Variants in PCM1 observed in about 807,000 individuals in gnomAD.
PCM1 encodes pericentriolar material 1 protein.
PCM1 carries 157 observed loss-of-function variants against 241.9 expected under a neutral mutation model. That is an observed-to-expected ratio of 0.65 (90% CI 0.57 to 0.74). PCM1 has a LOEUF of 0.74. PCM1 is among the 30% of genes least tolerant of loss of function. The probability of loss-of-function intolerance (pLI) is 0.00; values close to 1 mark genes in which losing one functional copy is unlikely to be tolerated. For missense variants in PCM1, 3,478 were observed against 2,360.1 expected (o/e 1.47, Z -9.81); for synonymous variants, 1,085 against 784.9 (o/e 1.38, Z -6.39).
chr8:17,930,632 A>T (rs999740966), intron 2 of PCM1, among the ~76,000 whole-genome samples: 1 of 151,812 alleles, frequency 6.6e-6, no homozygotes. Flanking sequence ...TAATCCCAGC[A>T]CTTTGGGAGG....
rs1296726342 is a variant in PCM1 at position 17,964,742 on chromosome 8, C to G, written c.2829C>G (p.Ser943=). ...CTTCTAACAGTGTGAATCATAACTC[C>G]TACAATGGAAAGGAAACTAAAAATA... ...VCPSNSVNHN[S]YNGKETKNRW... Residue 943 remains serine, a synonymous_variant, in exon 18 of 39, where the codon TCC becomes TCG. Coordinates refer to ENST00000325083, the MANE Select transcript of PCM1 (RefSeq NM_006197.4). 1.2e-6 allele frequency: 2 copies of G among 1,613,534 alleles called. No homozygotes were observed. Among genetic ancestry groups the G allele is most frequent in the Non-Finnish European group, 1.7e-6 (2 of 1,179,522 alleles).
Position 17,953,031 on chromosome 8 carries a change from C to T in PCM1, c.1133C>T (p.Ser378Phe). The T allele has an allele frequency of 6.2e-7, 1 of 1,608,642 alleles. No homozygotes were observed. The highest frequency in any genetic ancestry group is 8.5e-7 in the Non-Finnish European group (1 of 1,177,310). Residue 378 changes from serine (S) to phenylalanine (F), a missense_variant, in exon 9 of 39, where the codon TCC (serine) becomes TTC (phenylalanine). Coordinates refer to ENST00000325083, the MANE Select transcript of PCM1 (RefSeq NM_006197.4). ...AGTCTTTCATTAACTAGGGAGGTTT[C>T]CCAGAGCAGGAAACCATCAGCTTCA... is the stretch of plus-strand genomic sequence containing the variant. ...AESLSLTREV[S>F]QSRKPSASER... is the part of the protein sequence containing the mutation.
At chr8:17,982,510 T>C (rs1172250504) in intron 24 of PCM1, 1 of 152,180 alleles carries the variant, frequency 6.6e-6, no homozygotes, top group Non-Finnish European at 1.5e-5. Context: ...AAAATTTTTT[T>C]TTGAGACCGA....
chr8:18,011,442 G>A (rs773692803), intron 33 of PCM1, 76 bp downstream of exon 33: 2 of 1,284,624 alleles, frequency 1.6e-6, no homozygotes, highest in Non-Finnish European at 2.1e-6. Context: ...TTGGTGGAGT[G>A]TAACAAGTAT....
intron 21 of PCM1, among the ~76,000 whole-genome samples, 182 bp downstream of exon 21, chr8:17,967,352 A>T (rs1438677975): frequency 6.7e-6 from 1 of 148,810 alleles, no homozygotes; most frequent in East Asian, 2.0e-4. Context: ...CTTCTTGTCC[A>T]GGCTGGAATG....
chr8:17,965,630 C>T (rs751008641), intron 18 of PCM1, among the ~76,000 whole-genome samples: 1 of 152,292 alleles, frequency 6.6e-6, no homozygotes, highest in East Asian at 1.9e-4. Context: ...AAAATTTCTT[C>T]ATGAATAACA....
intron 18 of PCM1, among the ~76,000 whole-genome samples, chr8:17,965,682 A>G (rs570613891): frequency 2.9e-4 from 44 of 152,380 alleles, no homozygotes; most frequent in African/African-American, 9.4e-4. Context: ...ATGAAATACT[A>G]TGTGGTTGAA....
At chr8:18,004,579 C>G (rs1358135493) in intron 29 of PCM1, among the ~76,000 whole-genome samples, 1 of 152,130 alleles carries the variant, frequency 6.6e-6, no homozygotes, top group Non-Finnish European at 1.5e-5. Flanking sequence ...AAGAGTAGAA[C>G]TAATAATCTG....
chr8:17,997,240 G>C (rs965896127), intron 29 of PCM1, among the ~76,000 whole-genome samples: 3 of 152,068 alleles, frequency 2.0e-5, no homozygotes, highest in Non-Finnish European at 2.9e-5. Flanking sequence ...AAGGATTCTA[G>C]TGACAAGTCT....
In PCM1 at chr8:17,940,354, A is replaced by G. The variant is rs545528429; in HGVS notation, c.783+493A>G. On this transcript the variant is annotated intron_variant, in intron 6 of 38. Coordinates refer to ENST00000325083, the MANE Select transcript of PCM1 (RefSeq NM_006197.4). ...AGTTTTATTTATTAACACTAAAAATAGTTTTAATGGTTAATTTGAAAATGT... is the reference window on the plus strand; with the variant it reads ...AGTTTTATTTATTAACACTAAAAATGGTTTTAATGGTTAATTTGAAAATGT... Among the ~76,000 whole-genome samples the G allele has an allele frequency of 3.9e-5, 6 of 152,358 alleles. No homozygotes were observed. The South Asian group carries it at 1.0e-3, about 26-fold the overall frequency.
intron 24 of PCM1, chr8:17,983,388 C>T: frequency 7.3e-6 from 4 of 544,710 alleles, no homozygotes; most frequent in Non-Finnish European, 1.2e-5. Flanking sequence ...TTAAATTTAG[C>T]TGAGAGTATA....
chr8:17,937,258 G>C lies in PCM1; in HGVS notation c.221G>C (p.Arg74Thr). The C allele has an allele frequency of 1.2e-6, 2 of 1,611,586 alleles. No individual in the cohort carries two copies. The highest frequency in any genetic ancestry group is 2.2e-5 in the South Asian group (2 of 90,650). ...ISPESSPGVG[R>T]RRTKTPHTFP... ...CCGGAGTCGTCACCAGGAGTTGGAA[G>C]GCGAAGAACAAAGACTCCACATACG... Residue 74 changes from arginine (R) to threonine (T), a missense_variant, in exon 4 of 39, where the codon AGG becomes ACG. By Grantham distance (71) the Arg-to-Thr change is moderately conservative. Transcript: ENST00000325083.
At chr8:17,930,523 G>C (rs1283523948) in intron 2 of PCM1, among the ~76,000 whole-genome samples, 1 of 152,112 alleles carries the variant, frequency 6.6e-6, no homozygotes. Flanking sequence ...TAAAGAGGTT[G>C]ACATGAAGAG....
At chr8:17,976,715 C>T (rs1399249589) in intron 23 of PCM1, among the ~76,000 whole-genome samples, 1 of 152,176 alleles carries the variant, frequency 6.6e-6, no homozygotes, top group Non-Finnish European at 1.5e-5. Context: ...TAATGTCACC[C>T]CCTCATGCTG....
At chr8:17,940,250 A>T (rs1586044257) in intron 6 of PCM1, 1 of 666,788 alleles carries the variant, frequency 1.5e-6, no homozygotes, top group East Asian at 2.7e-5. Context: ...GCGTTCCTTA[A>T]TGAAAAGTGT....
intron 29 of PCM1, among the ~76,000 whole-genome samples, chr8:17,996,463 T>A (rs1321237049): frequency 6.6e-6 from 1 of 152,180 alleles, no homozygotes; most frequent in Non-Finnish European, 1.5e-5. Flanking sequence ...CTTTTTCATC[T>A]CTGATATTAT....
chr8:17,960,104 A>C lies in PCM1; in HGVS notation c.2131A>C (p.Asn711His). ...AGAAGAAGACACCAAGCAAAATTCA[A>C]ATAACACTAGAGGAAATGCCAATAA... ...PAEEDTKQNS[N>H]NTRGNANKTQ... is the part of the protein sequence containing the mutation. Residue 711 changes from asparagine to histidine, a missense_variant, in exon 14 of 39, where the codon AAT (asparagine) becomes CAT (histidine). Physicochemically the swap from Asn to His is moderately conservative, Grantham distance 68 (BLOSUM62 1). Coordinates refer to ENST00000325083, the MANE Select transcript of PCM1 (RefSeq NM_006197.4). 1 of 1,606,050 alleles carries C rather than the reference A, an allele frequency of 6.2e-7. No individual in the cohort carries two copies. Among genetic ancestry groups the C allele is most frequent in the Middle Eastern group, 1.7e-4 (1 of 6,052 alleles).
chr8:17,969,747 A>G lies in PCM1; in HGVS notation c.3583A>G (p.Arg1195Gly). The part of the protein sequence containing the change: ...SSSSIGAEKP[R>G]NKKLPEEEVE... ...TTCCTCTATTGGAGCAGAGAAACCA[A>G]GGTACTGATTGTAAACAGTCTTTTA... Residue 1195 changes from arginine to glycine, a missense_variant and splice_region_variant, in exon 22 of 39, where the codon AGG becomes GGG. By Grantham distance (125) the Arg-to-Gly change is moderately radical (BLOSUM62 -2). Transcript: ENST00000325083. 1 of 1,508,040 alleles carries G rather than the reference A, an allele frequency of 6.6e-7. No homozygotes were observed. The highest frequency in any genetic ancestry group is 8.8e-7 in the Non-Finnish European group (1 of 1,129,962). The allele number at this position is 1,508,040 out of a possible 1,614,324, so 93.4% of individuals were successfully genotyped here. A position where few individuals can be genotyped will look rare whatever the true frequency, so the allele number is the denominator to read the frequency against.
At chr8:17,996,963 T>C (rs1201848395) in intron 29 of PCM1, among the ~76,000 whole-genome samples, 3 of 152,178 alleles carry the variant, frequency 2.0e-5, no homozygotes, top group African/African-American at 4.8e-5. Flanking sequence ...TACAGTGTTA[T>C]AATATTCTGT....
Sources: allele counts gnomAD v4.1 joint callset (sites outside exome capture counted in the v4.1 genomes callset), GRCh38; gene constraint gnomAD v4.1.1; transcripts MANE v1.5; gene names NCBI Gene and HGNC (gene_info 2026-07-23, HGNC 2026-07-21).